Variants in SPAG9 observed in about 807,000 individuals in gnomAD.
The protein encoded by SPAG9 is sperm associated antigen 9.
Under a neutral mutation model 166.5 loss-of-function variants are expected in SPAG9, and 35 were observed. The ratio of observed to expected loss-of-function variants is 0.21; its 90% CI spans 0.16 to 0.28. SPAG9 has a LOEUF of 0.28. SPAG9 is among the 10% of genes least tolerant of loss of function. SPAG9 has a pLI of 1.00. For missense variants in SPAG9, 1,235 were observed against 1,603.3 expected (o/e 0.77, Z 3.92); for synonymous variants, 534 against 565.5 (o/e 0.94, Z 0.79).
intron 25 of SPAG9, among the ~76,000 whole-genome samples, chr17:50,981,760 C>T (rs1355845496): frequency 6.7e-6 from 1 of 149,488 alleles, no homozygotes; most frequent in African/African-American, 2.4e-5. Context: ...AGGCCGGACG[C>T]GGTGGCTCAT....
At chr17:50,971,367 A>T (rs1338980702) in intron 28 of SPAG9, among the ~76,000 whole-genome samples, 1 of 152,062 alleles carries the variant, frequency 6.6e-6, no homozygotes, top group Non-Finnish European at 1.5e-5. Context: ...AATCTAAGTA[A>T]AGCAATTTTG....
rs753572844 is a variant in SPAG9 at position 51,041,565 on chromosome 17, G to C, written c.677C>G (p.Thr226Ser). 1 of 1,613,750 alleles carries C rather than the reference G, an allele frequency of 6.2e-7. No individual in the cohort carries two copies. Among genetic ancestry groups the C allele is most frequent in the Admixed American group, 1.7e-5 (1 of 59,996 alleles). ...LTPDAQKGGE[T>S]PGSEQWKFQE... ...AAATTTCCATTGCTCAGATCCAGGG[G>C]TCTCTCCTCCTTTCTGAGCATCAGG... The change falls in exon 5 of 30, where the codon ACC becomes AGC. Residue 226 changes from threonine (T) to serine (S), a missense_variant. Physicochemically the swap from Thr to Ser is moderately conservative, Grantham distance 58. Around this residue, in one of 6 missense-constraint regions of SPAG9, gnomAD observed 288 missense variants for 323.7 expected, o/e 0.89. Coordinates refer to ENST00000262013, the MANE Select transcript of SPAG9 (RefSeq NM_001130528.3).
chr17:51,070,313 C>T (rs573674412), intron 2 of SPAG9, among the ~76,000 whole-genome samples: 66 of 152,272 alleles, frequency 4.3e-4, no homozygotes, highest in Non-Finnish European at 8.4e-4. Context: ...TGCTAATATG[C>T]TGTAAATAAT....
At chr17:51,100,310 GA>G (rs1314123390) in intron 1 of SPAG9, among the ~76,000 whole-genome samples, 2 of 131,306 alleles carry the variant, frequency 1.5e-5, no homozygotes, top group African/African-American at 5.2e-5. Context: ...ATTTTTTAAA[GA>G]GTTAAAACTA....
intron 1 of SPAG9, among the ~76,000 whole-genome samples, chr17:51,089,124 A>AC (rs1442290036): frequency 2.7e-5 from 4 of 148,698 alleles, no homozygotes; most frequent in Admixed American, 6.7e-5. Context: ...CACACACACA[A>AC]AAAAAAAACA....
chr17:50,989,154 G>C (rs1468825937), intron 21 of SPAG9, among the ~76,000 whole-genome samples: 1 of 152,122 alleles, frequency 6.6e-6, no homozygotes, highest in African/African-American at 2.4e-5. Flanking sequence ...CAGAATATAT[G>C]GTGGTGGTTC....
chr17:51,022,054 C>G (rs1421252016), intron 6 of SPAG9, among the ~76,000 whole-genome samples: 1 of 140,656 alleles, frequency 7.1e-6, no homozygotes, highest in African/African-American at 2.7e-5. Context: ...ACCTGGGAGG[C>G]GGAGGTTGCA....
chr17:51,095,296 TAAA>T lies in SPAG9; in HGVS notation c.304-15595_304-15593del, dbSNP rs71149343. Among the ~76,000 whole-genome samples, 8 of 83,514 alleles carry T rather than the reference TAAA, an allele frequency of 9.6e-5. No homozygotes were observed. The South Asian group carries it at 2.7e-3, about 28-fold the overall frequency. The allele number at this position is 83,514 out of a possible 152,430, so 54.8% of individuals were successfully genotyped here. On this transcript the variant is annotated intron_variant, in intron 1 of 29. Transcript: ENST00000262013. The stretch of plus-strand genomic sequence containing the variant: ...GGGGGACAGAGTGAGACTCCATCTT[TAAA>T]AAAAAAAAAAAAAAAAAAAAAAAGT...
chr17:51,117,582 C>T (rs1362244290), intron 1 of SPAG9, among the ~76,000 whole-genome samples: 2 of 151,500 alleles, frequency 1.3e-5, no homozygotes, highest in South Asian at 2.1e-4. Context: ...CGTGGTGGCA[C>T]GTGCTTGTAA....
intron 2 of SPAG9, among the ~76,000 whole-genome samples, chr17:51,074,366 C>T (rs1568062861): frequency 6.6e-6 from 1 of 152,148 alleles, no homozygotes; most frequent in African/African-American, 2.4e-5. Flanking sequence ...CAGAGTGAAC[C>T]GAGATGGTGC....
At chr17:51,073,258 G>A (rs2047875045) in intron 2 of SPAG9, among the ~76,000 whole-genome samples, 1 of 151,920 alleles carries the variant, frequency 6.6e-6, no homozygotes, top group Admixed American at 6.6e-5. Flanking sequence ...AACCCAGGAG[G>A]CGGAGCTTGC....
intron 12 of SPAG9, among the ~76,000 whole-genome samples, chr17:51,004,054 A>G (rs1168538600): frequency 6.6e-6 from 1 of 152,280 alleles, no homozygotes; most frequent in Non-Finnish European, 1.5e-5. Context: ...ATGAATCTCA[A>G]AAACATGCCA....
Position 50,998,501 on chromosome 17 carries a change from C to T in SPAG9, c.1781G>A (p.Ser594Asn), listed in dbSNP as rs776064693. ...HVTPSVKKRS[S>N]TLSQLPGDKS... Reference sequence around the variant, plus strand: ...ATCCCCAGGGAGCTGAGATAAGGTGCTGCTTCTTTTCTTGACGGACGGAGT... The same window carrying T: ...ATCCCCAGGGAGCTGAGATAAGGTGTTGCTTCTTTTCTTGACGGACGGAGT... Residue 594 changes from serine (S) to asparagine (N), a missense_variant, in exon 15 of 30, where the codon AGC becomes AAC. By Grantham distance (46) the Ser-to-Asn change is conservative. Transcript: ENST00000262013. 8 of 1,614,164 alleles carry T rather than the reference C, an allele frequency of 5.0e-6. No individual in the cohort carries two copies. In the Admixed American group the frequency reaches 1.3e-4, roughly 27 times the overall value.
chr17:51,005,296 T>C (rs1337322384), intron 11 of SPAG9, 33 bp from the exon 12 acceptor site: 1 of 1,601,706 alleles, frequency 6.2e-7, no homozygotes, highest in East Asian at 2.2e-5. Flanking sequence ...AAACATGTTA[T>C]TTGAATTGAG....
chr17:51,077,849 C>T (rs1274893843), intron 2 of SPAG9, among the ~76,000 whole-genome samples: 1 of 151,924 alleles, frequency 6.6e-6, no homozygotes, highest in Admixed American at 6.6e-5. Context: ...CGGGGTTTCA[C>T]CATGTTGCCC....
intron 23 of SPAG9, 117 bp downstream of exon 23, chr17:50,985,578 AAAC>A: frequency 5.0e-6 from 3 of 605,334 alleles, no homozygotes; most frequent in Non-Finnish European, 8.6e-6. Flanking sequence ...AGGGTTAAAA[AAAC>A]AAACAAATTG....
At chr17:51,013,903 C>CACACACACACACAT (rs2045591243) in intron 9 of SPAG9, among the ~76,000 whole-genome samples, 1 of 2,170 alleles carries the variant, frequency 4.6e-4, no homozygotes, top group Non-Finnish European at 2.3e-3. Context: ...CATACACATA[C>CACACACACACACAT]ACACACACAC....
intron 1 of SPAG9, among the ~76,000 whole-genome samples, chr17:51,087,289 C>T (rs1383469107): frequency 1.2e-4 from 18 of 152,118 alleles, no homozygotes. Context: ...TGGCATAGCT[C>T]TATATAGCAA....
chr17:51,049,506 T>C (rs2047123190), intron 3 of SPAG9, among the ~76,000 whole-genome samples: 1 of 151,880 alleles, frequency 6.6e-6, no homozygotes, highest in African/African-American at 2.4e-5. Context: ...GGAGACCCTG[T>C]CTCTACAAAA....
Sources: allele counts gnomAD v4.1 joint callset (sites outside exome capture counted in the v4.1 genomes callset), GRCh38; gene constraint gnomAD v4.1.1; regional missense constraint gnomAD v4.1.1; transcripts MANE v1.5; gene names NCBI Gene and HGNC (gene_info 2026-07-23, HGNC 2026-07-21).